The following GRIK2 variants were observed in gnomAD, a reference collection of about 807,000 sequenced individuals.
The protein encoded by GRIK2 is glutamate receptor ionotropic, kainate 2.
Under a neutral mutation model 100.3 loss-of-function variants are expected in GRIK2, and 32 were observed. That is an observed-to-expected ratio of 0.32 (90% CI 0.24 to 0.43). GRIK2 has a LOEUF of 0.43. GRIK2 is among the 20% of genes least tolerant of loss of function. GRIK2 has a pLI of 1.00. For synonymous variants in GRIK2, 417 were observed against 389.4 expected, an observed-to-expected ratio of 1.07 and a Z score of -0.83; for missense variants, 843 against 1,114.9, an observed-to-expected ratio of 0.76 and a Z score of 3.47.
At chr6:101,814,122 A>G (rs1407917638) in intron 9 of GRIK2, among the ~76,000 whole-genome samples, 1 of 152,188 alleles carries the variant, frequency 6.6e-6, no homozygotes. Flanking sequence ...AGCTGATAAT[A>G]CACATTAGTA....
intron 2 of GRIK2, among the ~76,000 whole-genome samples, chr6:101,428,224 A>G (rs958806424): frequency 2.0e-5 from 3 of 152,230 alleles, no homozygotes; most frequent in African/African-American, 4.8e-5. Flanking sequence ...TGAGCTTGAC[A>G]ATTACCTTGT....
intron 9 of GRIK2, among the ~76,000 whole-genome samples, chr6:101,811,768 T>TAC (rs1781343432): frequency 6.6e-6 from 1 of 151,772 alleles, no homozygotes; most frequent in Admixed American, 6.6e-5. Flanking sequence ...ATAGAAACAT[T>TAC]TTTTGGATTT....
At chr6:102,026,663 C>T (rs1250646203) in intron 14 of GRIK2, among the ~76,000 whole-genome samples, 1 of 151,120 alleles carries the variant, frequency 6.6e-6, no homozygotes, top group Non-Finnish European at 1.5e-5. Flanking sequence ...TGCTGCCTAT[C>T]CTATTATGCT....
rs928460031 is a variant in GRIK2 at position 101,399,223 on chromosome 6, G to A, written c.-55G>A. On this transcript the variant is annotated 5_prime_UTR_variant, in exon 2 of 17. Transcript: ENST00000369134. ...CATCCTCATTTCTACCCGAACCCAG[G>A]AGCCGAACGCTAGATCGGGGAAGTG... 6 of 858,198 alleles carry A rather than the reference G, an allele frequency of 7.0e-6. No individual in the cohort carries two copies. The highest frequency in any genetic ancestry group is 6.6e-5 in the African/African-American group (4 of 60,626). The allele number at this position is 858,198 out of a possible 1,614,324, so 53.2% of individuals were successfully genotyped here. A position where few individuals can be genotyped will look rare whatever the true frequency, so the allele number is the denominator to read the frequency against.
In GRIK2 at chr6:101,861,873, A is replaced by G. The variant is rs567740646; in HGVS notation, c.1524+2380A>G. 5.9e-5 allele frequency among the ~76,000 whole-genome samples: 9 copies of G among 152,288 alleles called. No individual in the cohort carries two copies. The East Asian group carries it at 1.7e-3, about 29-fold the overall frequency. The stretch of plus-strand genomic sequence containing the variant: ...ACAAATTTATTTAACTTGTATATAC[A>G]GGACCCTTCAGAATGAAAACTCAAC... On this transcript the variant is annotated intron_variant, in intron 11 of 16. Transcript: ENST00000369134.
chr6:102,046,055 T>A (rs1770870924), intron 15 of GRIK2, among the ~76,000 whole-genome samples: 1 of 152,042 alleles, frequency 6.6e-6, no homozygotes. Flanking sequence ...ATGGCTATAC[T>A]TAGAGTTCAA....
intron 2 of GRIK2, among the ~76,000 whole-genome samples, chr6:101,501,631 G>A (rs1282942708): frequency 6.6e-6 from 1 of 152,132 alleles, no homozygotes; most frequent in East Asian, 1.9e-4. Context: ...TTATCCATTT[G>A]TACTTTTTTG....
chr6:102,055,646 A>C, intron 16 of GRIK2, 66 bp downstream of exon 16: 1 of 1,221,638 alleles, frequency 8.2e-7, no homozygotes, highest in Non-Finnish European at 1.2e-6. Flanking sequence ...ACACAAACCA[A>C]AAGAGTTTTT....
At chr6:101,803,375 C>A (rs1238408087) in intron 9 of GRIK2, among the ~76,000 whole-genome samples, 1 of 151,772 alleles carries the variant, frequency 6.6e-6, no homozygotes, top group Non-Finnish European at 1.5e-5. Context: ...TTGATAGTGT[C>A]CCCAAGACAG....
At chr6:101,841,035 C>T (rs1253969645) in intron 10 of GRIK2, among the ~76,000 whole-genome samples, 1 of 151,466 alleles carries the variant, frequency 6.6e-6, no homozygotes, top group Non-Finnish European at 1.5e-5. Context: ...TCTTTAAAAA[C>T]TCAAAATTTG....
At chr6:101,469,092 G>A (rs1771809620) in intron 2 of GRIK2, among the ~76,000 whole-genome samples, 1 of 152,112 alleles carries the variant, frequency 6.6e-6, no homozygotes, top group Admixed American at 6.6e-5. Flanking sequence ...TGAATGAGGA[G>A]TTCACTATGT....
chr6:101,815,117 A>G (rs1250113286), intron 9 of GRIK2, among the ~76,000 whole-genome samples: 1 of 152,170 alleles, frequency 6.6e-6, no homozygotes, highest in Admixed American at 6.5e-5. Flanking sequence ...TACGCTGTCC[A>G]TAAAAGCTGG....
rs145150106 is a variant in GRIK2 at position 101,489,021 on chromosome 6, T to C, written c.115+89629T>C. ...ATAGATTTAGCTAAAGTAATGATAG[T>C]TGACTATATTTTAATGGGAAATTTT... On this transcript the variant is annotated intron_variant, in intron 2 of 16. Transcript: ENST00000369134. Among the ~76,000 whole-genome samples, 1,459 of 146,630 alleles carry C rather than the reference T, an allele frequency of 1.0e-2. 228 individuals are homozygous for C. Among genetic ancestry groups the C allele is most frequent in the African/African-American group, 0.036 (1,401 of 38,590 alleles).
chr6:101,569,785 T>A (rs914219466), intron 2 of GRIK2, among the ~76,000 whole-genome samples: 2 of 152,110 alleles, frequency 1.3e-5, no homozygotes, highest in Non-Finnish European at 2.9e-5. Context: ...TCGGAAGGAA[T>A]GATTGTAATA....
chr6:101,520,195 T>C (rs1229430429), intron 2 of GRIK2, among the ~76,000 whole-genome samples: 1 of 151,830 alleles, frequency 6.6e-6, no homozygotes, highest in Admixed American at 6.6e-5. Context: ...AAGAGAAATA[T>C]TTTTCATTGC....
At chr6:101,969,953 G>A (rs1399947055) in intron 14 of GRIK2, among the ~76,000 whole-genome samples, 1 of 151,932 alleles carries the variant, frequency 6.6e-6, no homozygotes, top group Non-Finnish European at 1.5e-5. Context: ...TGCATGTGTA[G>A]CTCTGTCTCT....
chr6:102,018,828 G>A (rs1185317583), intron 14 of GRIK2, among the ~76,000 whole-genome samples: 3 of 152,030 alleles, frequency 2.0e-5, no homozygotes, highest in African/African-American at 7.2e-5. Flanking sequence ...TTTAAAAATG[G>A]CACTGTTGCT....
At chr6:101,581,379 C>T (rs1354231771) in intron 2 of GRIK2, among the ~76,000 whole-genome samples, 2 of 151,744 alleles carry the variant, frequency 1.3e-5, no homozygotes, top group African/African-American at 4.8e-5. Context: ...CACAATAGGC[C>T]GTTTGCAAGC....
At chr6:101,791,124 G>T (rs1174251322) in intron 7 of GRIK2, among the ~76,000 whole-genome samples, 1 of 152,070 alleles carries the variant, frequency 6.6e-6, no homozygotes, top group Non-Finnish European at 1.5e-5. Flanking sequence ...CTTGCTAGCA[G>T]TCTATCAATT....
Sources: gnomAD v4.1 joint callset for allele counts (sites outside exome capture counted in the v4.1 genomes callset) on GRCh38, gnomAD v4.1.1 for gene constraint, MANE v1.5 for transcripts, NCBI Gene and HGNC (gene_info 2026-07-23, HGNC 2026-07-21) for gene names.